Variants in CDKL3 observed in about 807,000 individuals in gnomAD.
CDKL3 encodes the protein cyclin dependent kinase like 3, also known as cyclin-dependent kinase-like 3.
CDKL3 carries 65 observed loss-of-function variants against 69.3 expected under a neutral mutation model. That is an observed-to-expected ratio of 0.94 (90% CI 0.77 to 1.15). The LOEUF (loss-of-function observed/expected upper bound fraction) is 1.15. CDKL3 is among the 50% of genes most tolerant of loss of function. The pLI, the probability that CDKL3 is intolerant of heterozygous loss-of-function variation, is 0.00. For synonymous variants in CDKL3, 202 were observed against 221.6 expected (o/e 0.91, Z 0.79); for missense variants, 652 against 689.2 (o/e 0.95, Z 0.61).
chr5:134,300,932 A>G (rs1034593255), intron 12 of CDKL3, among the ~76,000 whole-genome samples: 1 of 152,126 alleles, frequency 6.6e-6, no homozygotes, highest in African/African-American at 2.4e-5. Flanking sequence ...TGAGTATGTC[A>G]CCCAAATTTA....
At chr5:134,303,624 A>G (rs1042731958) in intron 11 of CDKL3, among the ~76,000 whole-genome samples, 2 of 151,692 alleles carry the variant, frequency 1.3e-5, no homozygotes, top group African/African-American at 2.4e-5. Flanking sequence ...CAGGTGGATC[A>G]CCTGAGGTCA....
intron 4 of CDKL3, among the ~76,000 whole-genome samples, chr5:134,328,039 A>C (rs1005862866): frequency 6.6e-6 from 1 of 152,124 alleles, no homozygotes; most frequent in Non-Finnish European, 1.5e-5. Flanking sequence ...TCCCAGAAGG[A>C]GGGGTCCCAT....
intron 6 of CDKL3, among the ~76,000 whole-genome samples, chr5:134,318,176 G>A (rs1365083062): frequency 1.3e-5 from 2 of 149,746 alleles, no homozygotes; most frequent in Non-Finnish European, 1.5e-5. Flanking sequence ...CTGAGATCGC[G>A]CCATTGCACT....
upstream of CDKL3, among the ~76,000 whole-genome samples, chr5:134,369,226 T>C (rs1260595209): frequency 2.0e-5 from 3 of 152,226 alleles, no homozygotes; most frequent in African/African-American, 7.2e-5. Flanking sequence ...TGTAAGACTT[T>C]ATGATGCACA....
rs377070336 is a variant in CDKL3 at position 134,319,518 on chromosome 5, A to G, written c.653-21T>C. On this transcript the variant is annotated intron_variant, in intron 5 of 12. Coordinates refer to ENST00000265334, the MANE Select transcript of CDKL3 (RefSeq NM_001113575.2). ...ATTGCCTGAAAAGAGAAAAAAATGT[A>G]TATTTAAAAAACAGAGAAATAGTCT... 1.1e-5 allele frequency: 16 copies of G among 1,506,778 alleles called. No individual in the cohort carries two copies. The African/African-American group carries it at 1.1e-4, about 11-fold the overall frequency. The allele number at this position is 1,506,778 out of a possible 1,614,324, so 93.3% of individuals were successfully genotyped here. A position where few individuals can be genotyped will look rare whatever the true frequency, so the allele number is the denominator to read the frequency against.
chr5:134,367,143 T>A lies in CDKL3; in HGVS notation c.-188A>T, dbSNP rs1757633693. 1.4e-5 allele frequency: 14 copies of A among 985,592 alleles called. No homozygotes were observed. Among genetic ancestry groups the A allele is most frequent in the Non-Finnish European group, 1.7e-5 (14 of 830,140 alleles). 61.1% of individuals were successfully genotyped at this position (985,592 alleles called of 1,614,324 possible). A position where few individuals can be genotyped will look rare whatever the true frequency, so the allele number is the denominator to read the frequency against. On this transcript the variant is annotated 5_prime_UTR_variant, in exon 1 of 13. An upstream start codon of the reference 5' UTR is lost. Coordinates refer to ENST00000265334, the MANE Select transcript of CDKL3 (RefSeq NM_001113575.2). ...GCAAGGAACCGGCCACTTGCCACCA[T>A]GGAAACGCCGGCGGAGTTGCTGCGT...
intron 4 of CDKL3, among the ~76,000 whole-genome samples, chr5:134,331,337 G>A (rs544952549): frequency 9.2e-5 from 14 of 151,904 alleles, no homozygotes; most frequent in Admixed American, 3.9e-4. Flanking sequence ...TAAAGTTCTA[G>A]GGTACATGTG....
chr5:134,329,802 C>CA (rs1438752062), intron 4 of CDKL3, among the ~76,000 whole-genome samples: 1 of 151,840 alleles, frequency 6.6e-6, no homozygotes, highest in Non-Finnish European at 1.5e-5. Context: ...AAGGGGACTT[C>CA]AAAAAGTTCA....
At chr5:134,363,957 T>TAAAAA (rs1206131261) in intron 2 of CDKL3, among the ~76,000 whole-genome samples, 1 of 96,436 alleles carries the variant, frequency 1.0e-5, no homozygotes, top group Non-Finnish European at 2.1e-5. Context: ...CTCCATTTCT[T>TAAAAA]AAAAAAAAAA....
intron 4 of CDKL3, among the ~76,000 whole-genome samples, chr5:134,328,054 A>G (rs568649022): frequency 8.5e-4 from 129 of 152,316 alleles, no homozygotes; most frequent in African/African-American, 2.8e-3. Context: ...TCCCATACCC[A>G]GAGTTCCCAC....
intron 8 of CDKL3, among the ~76,000 whole-genome samples, chr5:134,293,102 C>A (rs1318774612): frequency 7.0e-6 from 1 of 141,966 alleles, no homozygotes; most frequent in South Asian, 2.4e-4. Context: ...CTCACCACAA[C>A]CTCTGCCTCC....
upstream of CDKL3, among the ~76,000 whole-genome samples, chr5:134,367,714 C>A (rs1339700594): frequency 6.6e-6 from 1 of 152,200 alleles, no homozygotes; most frequent in Admixed American, 6.5e-5. Flanking sequence ...GAACACTTGC[C>A]ATATGCCTTT....
intron 10 of CDKL3, among the ~76,000 whole-genome samples, chr5:134,305,593 CTG>C (rs1276751784): frequency 2.0e-5 from 3 of 152,186 alleles, no homozygotes; most frequent in Non-Finnish European, 2.9e-5. Context: ...GGGAAACCTT[CTG>C]TGTTACCAGA....
chr5:134,324,524 T>G (rs1773600421), intron 4 of CDKL3, among the ~76,000 whole-genome samples: 1 of 152,082 alleles, frequency 6.6e-6, no homozygotes, highest in Admixed American at 6.6e-5. Context: ...AAAAGAGAAG[T>G]GAGCTGTCAA....
intron 4 of CDKL3, among the ~76,000 whole-genome samples, chr5:134,332,818 C>T (rs904346987): frequency 8.5e-5 from 13 of 152,110 alleles, no homozygotes; most frequent in Admixed American, 6.5e-4. Flanking sequence ...TAGTTTTTTC[C>T]AATTCTGTGA....
chr5:134,328,450 A>G (rs1774942802), intron 4 of CDKL3, among the ~76,000 whole-genome samples: 1 of 152,172 alleles, frequency 6.6e-6, no homozygotes, highest in Non-Finnish European at 1.5e-5. Flanking sequence ...AGAAAAAATA[A>G]TTCATGAACT....
At chr5:134,289,163 T>TAAAAAAAAAAA (rs34873718) in intron 8 of CDKL3, among the ~76,000 whole-genome samples, 1 of 80,286 alleles carries the variant, frequency 1.2e-5, no homozygotes, top group Non-Finnish European at 2.7e-5. Context: ...CCCTGTCTCA[T>TAAAAAAAAAAA]AAAAAAAAAA....
chr5:134,362,500 C>A (rs1021565750), intron 2 of CDKL3, among the ~76,000 whole-genome samples: 1 of 151,900 alleles, frequency 6.6e-6, no homozygotes, highest in Non-Finnish European at 1.5e-5. Context: ...GCCTGGGCAA[C>A]AAGAGTGAAA....
At chr5:134,335,910 G>T (rs1307124719) in intron 4 of CDKL3, among the ~76,000 whole-genome samples, 1 of 152,188 alleles carries the variant, frequency 6.6e-6, no homozygotes, top group African/African-American at 2.4e-5. Flanking sequence ...ATATCCTGAA[G>T]AGTGTTTTCT....
Sources: gnomAD v4.1 joint callset for allele counts (sites outside exome capture counted in the v4.1 genomes callset) on GRCh38, gnomAD v4.1.1 for gene constraint, MANE v1.5 for transcripts, NCBI Gene and HGNC (gene_info 2026-07-23, HGNC 2026-07-21) for gene names.